Variants in NLGN4Y observed in about 807,000 individuals in gnomAD.
NLGN4Y encodes neuroligin 4 Y-linked.
Under a neutral mutation model 8.4 loss-of-function variants are expected in NLGN4Y, and 4 were observed. The observed-to-expected ratio is 0.48, with a 90% CI of 0.23 to 1.09. The LOEUF (loss-of-function observed/expected upper bound fraction) is 1.09. NLGN4Y is among the 50% of genes least tolerant of loss of function. NLGN4Y has a pLI of 0.19. For synonymous variants in NLGN4Y, 35 were observed against 75.6 expected, an observed-to-expected ratio of 0.46 and a Z score of 2.78; for missense variants, 90 against 192.3, an observed-to-expected ratio of 0.47 and a Z score of 3.15.
At chrY:14,754,405 T>C in intron 4 of NLGN4Y, among the ~76,000 whole-genome samples, 2 of 33,200 alleles carry the variant, frequency 6.0e-5, no homozygotes, top group Admixed American at 2.7e-4. Context: ...AACAAACAAA[T>C]AAATGATAGA....
At chrY:14,646,022 G>A (rs2080610510) in intron 2 of NLGN4Y, among the ~76,000 whole-genome samples, 4 of 32,901 alleles carry the variant, frequency 1.2e-4, no homozygotes, top group Non-Finnish European at 3.0e-4. Context: ...GAAGGTTACG[G>A]TGATGATGAC....
At position 14,697,732 on chromosome Y, in the gene NLGN4Y, A is replaced by C; in HGVS notation, c.473-21727A>C. 1.2e-4 allele frequency among the ~76,000 whole-genome samples: 4 copies of C among 32,413 alleles called. No individual in the cohort carries two copies. The South Asian group carries it at 2.8e-3, about 23-fold the overall frequency. The allele number at this position is 32,413 out of a possible 37,273, so 87.0% of individuals were successfully genotyped here. On this transcript the variant is annotated intron_variant, in intron 2 of 6. Coordinates refer to ENST00000684976, the MANE Select transcript of NLGN4Y (RefSeq NM_001365588.1). Reference sequence around the variant, plus strand: ...GACAGAGAAATAGATTGTAGATTGGAGAGACGGATAGATAGACATCTTAAT... The same window carrying C: ...GACAGAGAAATAGATTGTAGATTGGCGAGACGGATAGATAGACATCTTAAT...
At position 14,530,510 on chromosome Y, in the gene NLGN4Y, G is replaced by C. The variant is rs778185799; in HGVS notation, c.-112+5802G>C. ...CTGGAATATTTTTTTTCTAAATTGAGTTCTGATTCCAAAAAAGGTGTTATT... is the reference window on the plus strand; with the variant it reads ...CTGGAATATTTTTTTTCTAAATTGACTTCTGATTCCAAAAAAGGTGTTATT... On this transcript the variant is annotated intron_variant, in intron 1 of 6. Coordinates refer to ENST00000684976, the MANE Select transcript of NLGN4Y (RefSeq NM_001365588.1). Among the ~76,000 whole-genome samples, 5 of 31,911 alleles carry C rather than the reference G, an allele frequency of 1.6e-4. No individual in the cohort carries two copies. In the South Asian group the frequency reaches 3.6e-3, roughly 23 times the overall value. The allele number at this position is 31,911 out of a possible 37,273, so 85.6% of individuals were successfully genotyped here.
intron 4 of NLGN4Y, among the ~76,000 whole-genome samples, chrY:14,798,974 A>G: frequency 2.9e-5 from 1 of 34,069 alleles, no homozygotes; most frequent in Non-Finnish European, 7.3e-5. Context: ...TTTAAACTCT[A>G]AATGAACTGG....
At chrY:14,685,029 T>C (rs967857220) in intron 2 of NLGN4Y, among the ~76,000 whole-genome samples, 1 of 33,569 alleles carries the variant, frequency 3.0e-5, no homozygotes, top group Non-Finnish European at 7.4e-5. Context: ...GGTGTATCTC[T>C]GTTAACCCCA....
At chrY:14,647,944 G>A in intron 2 of NLGN4Y, among the ~76,000 whole-genome samples, 1 of 34,251 alleles carries the variant, frequency 2.9e-5, no homozygotes, top group Non-Finnish European at 7.3e-5. Flanking sequence ...CTGATTTCTT[G>A]CATCCTGCTG....
In NLGN4Y at chrY:14,759,929, C is replaced by A. The variant is rs374577685; in HGVS notation, c.685+36660C>A. 4.7e-3 allele frequency among the ~76,000 whole-genome samples: 157 copies of A among 33,291 alleles called. No individual in the cohort carries two copies. In the East Asian group the frequency reaches 0.069, roughly 15 times the overall value. 89.3% of individuals were successfully genotyped at this position (33,291 alleles called of 37,273 possible). ...TTAAAGATTGATGATGGATTTAGTG[C>A]CAGCTGTTGATTAGTATGTCTGCAA... is the stretch of plus-strand genomic sequence containing the variant. On this transcript the variant is annotated intron_variant, in intron 4 of 6. Coordinates refer to ENST00000684976, the MANE Select transcript of NLGN4Y (RefSeq NM_001365588.1).
At chrY:14,625,922 G>C in intron 2 of NLGN4Y, among the ~76,000 whole-genome samples, 1 of 33,829 alleles carries the variant, frequency 3.0e-5, no homozygotes, top group South Asian at 6.6e-4. Flanking sequence ...ATAAAGCTTG[G>C]AAGAGAAAAA....
intron 4 of NLGN4Y, among the ~76,000 whole-genome samples, chrY:14,762,519 A>G: frequency 2.9e-5 from 1 of 34,436 alleles, no homozygotes; most frequent in African/African-American, 1.1e-4. Flanking sequence ...CTCTGTTATC[A>G]TCATGAGAAG....
chrY:14,807,109 C>T (rs2043060375), intron 4 of NLGN4Y, among the ~76,000 whole-genome samples: 1 of 33,177 alleles, frequency 3.0e-5, no homozygotes, highest in African/African-American at 1.2e-4. Flanking sequence ...ACAGAGAGTG[C>T]GGTTAAAGCA....
At chrY:14,622,711 A>G in intron 2 of NLGN4Y, 120 bp downstream of exon 2, 4 of 180,211 alleles carry the variant, frequency 2.2e-5, no homozygotes, top group Non-Finnish European at 3.9e-5. Context: ...TTTTATTTTA[A>G]TTTATTTTTC....
intron 1 of NLGN4Y, among the ~76,000 whole-genome samples, chrY:14,571,539 T>G: frequency 3.0e-5 from 1 of 33,384 alleles, no homozygotes; most frequent in Non-Finnish European, 7.4e-5. Context: ...TTCTCCCATT[T>G]TGTAGGTTGC....
At chrY:14,539,546 CCTT>C (rs2080142214) in intron 1 of NLGN4Y, among the ~76,000 whole-genome samples, 4 of 31,412 alleles carry the variant, frequency 1.3e-4, no homozygotes, top group Non-Finnish European at 3.1e-4. Flanking sequence ...TAAGGTATTT[CCTT>C]CTTCTTTTTT....
At chrY:14,638,518 G>A in intron 2 of NLGN4Y, among the ~76,000 whole-genome samples, 1 of 33,676 alleles carries the variant, frequency 3.0e-5, no homozygotes, top group East Asian at 7.8e-4. Flanking sequence ...AAGTTCGAAG[G>A]TTGGAAAATA....
At chrY:14,584,014 G>A (rs2080329006) in intron 1 of NLGN4Y, among the ~76,000 whole-genome samples, 1 of 33,797 alleles carries the variant, frequency 3.0e-5, no homozygotes. Context: ...GTGGTCTCAT[G>A]TTCCACCAAA....
upstream of NLGN4Y, chrY:14,523,393 G>C: frequency 2.0e-5 from 1 of 48,851 alleles, no homozygotes; most frequent in Non-Finnish European, 4.7e-5. Context: ...GGGGAAAGGA[G>C]GGGAAAAATA....
At chrY:14,567,235 T>C (rs2080254983) in intron 1 of NLGN4Y, among the ~76,000 whole-genome samples, 1 of 25,639 alleles carries the variant, frequency 3.9e-5, no homozygotes, top group Admixed American at 3.4e-4. Flanking sequence ...TTTTTTTTTT[T>C]TTTTTTTTTG....
intron 2 of NLGN4Y, among the ~76,000 whole-genome samples, chrY:14,627,720 G>A (rs2150510392): frequency 2.9e-5 from 1 of 34,138 alleles, no homozygotes; most frequent in East Asian, 8.0e-4. Context: ...GCGGGCTCCC[G>A]CCTGGGCCAG....
intron 2 of NLGN4Y, among the ~76,000 whole-genome samples, chrY:14,655,116 G>A (rs903765474): frequency 3.1e-5 from 1 of 32,758 alleles, no homozygotes; most frequent in Non-Finnish European, 7.5e-5. Context: ...TTGTTACCCC[G>A]ATTTTCAATC....
Sources: gnomAD v4.1 joint callset for allele counts (sites outside exome capture counted in the v4.1 genomes callset) on GRCh38, gnomAD v4.1.1 for gene constraint, MANE v1.5 for transcripts, NCBI Gene and HGNC (gene_info 2026-07-23, HGNC 2026-07-21) for gene names.